ELP2: variants seen among roughly 807,000 people sequenced by gnomAD.
ELP2 encodes the protein elongator complex protein 2.
In ELP2, 90 loss-of-function variants were observed where a neutral mutation model predicts 119.2. The observed-to-expected ratio is 0.75, with a 90% CI of 0.64 to 0.90. The LOEUF (loss-of-function observed/expected upper bound fraction) is 0.90. Ranked by LOEUF, ELP2 falls within the 40% of genes least tolerant of loss-of-function variation. The pLI is 0.00. For missense variants in ELP2, 921 were observed against 967.8 expected (o/e 0.95, Z 0.64); for synonymous variants, 339 against 331.0 (o/e 1.02, Z -0.26).
chr18:36,141,604 A>T (rs185650593), intron 6 of ELP2, among the ~76,000 whole-genome samples: 35 of 152,280 alleles, frequency 2.3e-4, no homozygotes, highest in Middle Eastern at 3.4e-3. Context: ...GGGGTTGGTT[A>T]ACTCTAAACT....
intron 18 of ELP2, among the ~76,000 whole-genome samples, chr18:36,165,719 TAA>T (rs1052385112): frequency 3.3e-5 from 5 of 152,174 alleles, no homozygotes; most frequent in South Asian, 4.1e-4. Context: ...CCATCTCTAC[TAA>T]AAATACAAAA....
intron 19 of ELP2, 40 bp downstream of exon 19, chr18:36,167,262 A>G (rs1322040218): frequency 2.1e-6 from 3 of 1,449,676 alleles, no homozygotes; most frequent in Admixed American, 1.9e-5. Context: ...AAATGTAAAA[A>G]TAATATTTTT....
At chr18:36,142,134 C>T in intron 6 of ELP2, 147 bp from the exon 7 acceptor site, 1 of 709,464 alleles carries the variant, frequency 1.4e-6, no homozygotes, top group Non-Finnish European at 2.5e-6. Flanking sequence ...GTTTTTCATT[C>T]CCAAAGGAAT....
chr18:36,154,859 A>G lies in ELP2; in HGVS notation c.1135A>G (p.Thr379Ala), dbSNP rs757141536. The change falls in exon 12 of 22, where the codon ACT becomes GCT. Residue 379 changes from threonine (T) to alanine (A), a missense_variant. Coordinates refer to ENST00000358232, the MANE Select transcript of ELP2 (RefSeq NM_018255.4). The stretch of plus-strand genomic sequence containing the variant: ...AGCACTTCCATTGCAGAGAGAGTGG[A>G]CTCCAGAGATTGTCATTTCAGGACA... ...KQNTVNPREWTPEIVISGHFD... is the reference protein window; with the variant it reads ...KQNTVNPREWAPEIVISGHFD... The G allele has an allele frequency of 1.2e-6, 2 of 1,614,050 alleles. No individual in the cohort carries two copies. Among genetic ancestry groups the G allele is most frequent in the South Asian group, 1.1e-5 (1 of 91,074 alleles).
rs1451181912 is a variant in ELP2, at chr18:36,160,030, A to G, written c.1688+15A>G. 11 of 1,612,904 alleles carry G rather than the reference A, an allele frequency of 6.8e-6. No homozygotes were observed. The Admixed American group carries it at 1.3e-4, about 20-fold the overall frequency. ...GTTCAAAAACTGTAAGTTAAACTGT[A>G]TTTAGCTCTTTGGTCTGATTCTGTC... On this transcript the variant is annotated intron_variant, in intron 16 of 21. Coordinates refer to ENST00000358232, the MANE Select transcript of ELP2 (RefSeq NM_018255.4).
intron 1 of ELP2, among the ~76,000 whole-genome samples, chr18:36,130,948 G>A (rs552222659): frequency 1.3e-5 from 2 of 152,192 alleles, no homozygotes; most frequent in Admixed American, 6.5e-5. Context: ...TGGGAGCATC[G>A]CTTGAGTCCA....
chr18:36,145,783 CTCT>C (rs1311983435), intron 9 of ELP2, among the ~76,000 whole-genome samples, 162 bp from the exon 10 acceptor site: 14 of 152,200 alleles, frequency 9.2e-5, no homozygotes, highest in African/African-American at 2.4e-4. Context: ...ACCCATTTAT[CTCT>C]TCTTCTAATG....
rs762161659 is a variant in ELP2, at chr18:36,141,116, G to A, written c.524-21G>A. ...GGTGGAATAGAGAACTCACAGTGAA[G>A]CCTGTTTTTTCTTCCCCCAGTACCA... is the stretch of plus-strand genomic sequence containing the variant. On this transcript the variant is annotated intron_variant, in intron 5 of 21. Coordinates refer to ENST00000358232, the MANE Select transcript of ELP2 (RefSeq NM_018255.4). 6.2e-6 allele frequency: 10 copies of A among 1,605,806 alleles called. No individual in the cohort carries two copies. The East Asian group carries it at 6.7e-5, about 11-fold the overall frequency.
chr18:36,161,096 C>T lies in ELP2; in HGVS notation c.1761+92C>T, dbSNP rs565956622. 155 of 869,804 alleles carry T rather than the reference C, an allele frequency of 1.8e-4. 2 individuals are homozygous for T. The highest frequency in any genetic ancestry group is 1.5e-3 in the Middle Eastern group (7 of 4,624). 53.9% of individuals were successfully genotyped at this position (869,804 alleles called of 1,614,324 possible). A position where few individuals can be genotyped will look rare whatever the true frequency, so the allele number is the denominator to read the frequency against. ...TGGTAATGATTTAGGCAGAACTCTA[C>T]GTGAAAGGCCACTAGTGCTTGGTTT... On this transcript the variant is annotated intron_variant, in intron 17 of 21. Transcript: ENST00000358232.
chr18:36,159,573 T>G (rs1231943180), intron 14 of ELP2, among the ~76,000 whole-genome samples, 162 bp from the exon 15 acceptor site: 1 of 152,222 alleles, frequency 6.6e-6, no homozygotes, highest in African/African-American at 2.4e-5. Flanking sequence ...TGGAAAATAC[T>G]GGAGTAATGG....
At chr18:36,164,942 T>G in intron 18 of ELP2, 1 of 420,292 alleles carries the variant, frequency 2.4e-6, no homozygotes, top group South Asian at 2.6e-5. Context: ...AACATCTGTA[T>G]GTAGGAAGTT....
At chr18:36,136,458 C>T (rs1413575574) in intron 3 of ELP2, 81 bp downstream of exon 3, 1 of 1,152,904 alleles carries the variant, frequency 8.7e-7, no homozygotes, top group Non-Finnish European at 1.3e-6. Context: ...CTCTGTCACC[C>T]AGGCTGACGT....
At chr18:36,166,081 T>C (rs1281970205) in intron 18 of ELP2, among the ~76,000 whole-genome samples, 2 of 151,618 alleles carry the variant, frequency 1.3e-5, no homozygotes, top group Non-Finnish European at 2.9e-5. Flanking sequence ...TAATCCCCGC[T>C]ACTCAGGAGG....
chr18:36,145,501 T>C (rs987127442), intron 9 of ELP2: 13 of 291,250 alleles, frequency 4.5e-5, no homozygotes, highest in Non-Finnish European at 8.6e-5. Context: ...GCTGGGTGTA[T>C]AGCTAGGTAA....
At chr18:36,159,612 A>T in intron 14 of ELP2, 123 bp from the exon 15 acceptor site, 1 of 771,464 alleles carries the variant, frequency 1.3e-6, no homozygotes, top group South Asian at 1.4e-5. Flanking sequence ...AATCACATGG[A>T]CACAGCTGTG....
rs2091269647 is a variant in ELP2 at position 36,178,415 on chromosome 18, A to G, written c.*3774A>G. 1 of 152,240 alleles carries G rather than the reference A, an allele frequency of 6.6e-6. No individual in the cohort carries two copies. The highest frequency in any genetic ancestry group is 6.5e-5 in the Admixed American group (1 of 15,280). 9.4% of individuals were successfully genotyped at this position (152,240 alleles called of 1,614,324 possible). On this transcript the variant is annotated 3_prime_UTR_variant, in exon 22 of 22. Transcript: ENST00000358232. The stretch of plus-strand genomic sequence containing the variant: ...AAATACATTACAAGAGGAAAAGGGA[A>G]GGGAAGGGAAGCCTGGAGATTGAAA...
intron 16 of ELP2, 151 bp downstream of exon 16, chr18:36,160,166 A>G (rs138254161): frequency 4.2e-6 from 3 of 706,198 alleles, no homozygotes; most frequent in Admixed American, 2.4e-5. Context: ...TTCATAAGGA[A>G]TGAGAATTAA....
Position 36,170,209 on chromosome 18 carries a change from G to C in ELP2, c.2210+13G>C. ...ACCCTTCTCAACGGTCAGTCTCTGT[G>C]TGGGGCTTAGTTTTAAGAGGACCAC... On this transcript the variant is annotated intron_variant, in intron 20 of 21. Transcript: ENST00000358232. 6.2e-7 allele frequency: 1 copy of C among 1,614,068 alleles called. No homozygotes were observed. Among genetic ancestry groups the C allele is most frequent in the Non-Finnish European group, 8.5e-7 (1 of 1,180,002 alleles).
chr18:36,152,555 A>G (rs1368531609), intron 11 of ELP2, among the ~76,000 whole-genome samples: 2 of 152,224 alleles, frequency 1.3e-5, no homozygotes, highest in Non-Finnish European at 2.9e-5. Flanking sequence ...AGGCTTGCAT[A>G]CAAAGCATAT....
Sources: allele counts gnomAD v4.1 joint callset (sites outside exome capture counted in the v4.1 genomes callset), GRCh38; gene constraint gnomAD v4.1.1; transcripts MANE v1.5; gene names NCBI Gene and HGNC (gene_info 2026-07-23, HGNC 2026-07-21).